Variants in SBF2 observed in about 807,000 individuals in gnomAD.
SBF2 encodes myotubularin-related protein 13.
A neutral mutation model predicts 225.2 loss-of-function variants in SBF2; 112 were observed. The ratio of observed to expected loss-of-function variants is 0.50; its 90% CI spans 0.43 to 0.58. The LOEUF is 0.58. Ranked by LOEUF, SBF2 falls within the 20% of genes least tolerant of loss-of-function variation. The probability of loss-of-function intolerance (pLI) is 0.00; values close to 1 mark genes in which losing one functional copy is unlikely to be tolerated. For synonymous variants in SBF2, 763 were observed against 773.3 expected (o/e 0.99, Z 0.22); for missense variants, 1,996 against 2,206.2 (o/e 0.90, Z 1.91).
chr11:9,927,192 AAAAT>A (rs1251799124), intron 16 of SBF2, among the ~76,000 whole-genome samples: 2 of 152,238 alleles, frequency 1.3e-5, no homozygotes, highest in African/African-American at 4.8e-5. Context: ...TACCTCTTAC[AAAAT>A]AAATAACCCA....
At chr11:9,799,238 C>T (rs764989859) in intron 32 of SBF2, among the ~76,000 whole-genome samples, 6 of 152,162 alleles carry the variant, frequency 3.9e-5, no homozygotes, top group Non-Finnish European at 7.4e-5. Context: ...AAAATGCTTT[C>T]GTAGCCCAGT....
intron 1 of SBF2, among the ~76,000 whole-genome samples, chr11:10,225,923 T>G (rs930181999): frequency 6.6e-6 from 1 of 152,112 alleles, no homozygotes; most frequent in Non-Finnish European, 1.5e-5. Context: ...TAGCAGTATG[T>G]TTTTCAAAGT....
chr11:10,172,707 C>T (rs140018747), intron 2 of SBF2, among the ~76,000 whole-genome samples: 8,147 of 151,550 alleles, frequency 0.054, 299 homozygotes, highest in Middle Eastern at 0.14. Context: ...CACTCTGTCG[C>T]CCAGGCTGGA....
At chr11:10,188,888 T>C (rs1957051817) in intron 2 of SBF2, among the ~76,000 whole-genome samples, 1 of 152,226 alleles carries the variant, frequency 6.6e-6, no homozygotes, top group African/African-American at 2.4e-5. Context: ...AAAATCCTTT[T>C]TATAGTTCTT....
chr11:10,040,627 A>G (rs1949616935), intron 3 of SBF2, among the ~76,000 whole-genome samples: 1 of 151,932 alleles, frequency 6.6e-6, no homozygotes, highest in Non-Finnish European at 1.5e-5. Flanking sequence ...TGGAATATGG[A>G]TAGTAGGTTT....
chr11:9,845,582 T>C lies in SBF2; in HGVS notation c.3093A>G (p.Glu1031=), dbSNP rs767041726. 6.2e-7 allele frequency: 1 copy of C among 1,613,870 alleles called. No individual in the cohort carries two copies. Among genetic ancestry groups the C allele is most frequent in the East Asian group, 2.2e-5 (1 of 44,864 alleles). ...TPQIILPKQK[E]KNTSFRTFSK... is the part of the protein sequence containing the mutation. ...CTTCTTACCGAAAAGAAGTGTTCTTTTCCTTCTGTTTTGGTAAAATTATTT... is the reference window on the plus strand; with the variant it reads ...CTTCTTACCGAAAAGAAGTGTTCTTCTCCTTCTGTTTTGGTAAAATTATTT... Residue 1031 remains glutamate, a synonymous_variant, in exon 24 of 40, where the codon GAA becomes GAG. Coordinates refer to ENST00000256190, the MANE Select transcript of SBF2 (RefSeq NM_030962.4).
Position 9,884,734 on chromosome 11 carries a change from G to A in SBF2, c.1929+11209C>T, listed in dbSNP as rs577237614. On this transcript the variant is annotated intron_variant, in intron 17 of 39. Coordinates refer to ENST00000256190, the MANE Select transcript of SBF2 (RefSeq NM_030962.4). Reference sequence around the variant, plus strand: ...CTCAAGTCTTATGGGAGGCACTGTAGTTTGTACCATTTCTGACTTTCTGCT... The same window carrying A: ...CTCAAGTCTTATGGGAGGCACTGTAATTTGTACCATTTCTGACTTTCTGCT... 1.1e-4 allele frequency among the ~76,000 whole-genome samples: 16 copies of A among 152,286 alleles called. No individual in the cohort carries two copies. The South Asian group carries it at 3.3e-3, about 32-fold the overall frequency.
intron 16 of SBF2, among the ~76,000 whole-genome samples, chr11:9,928,120 T>C (rs1281079017): frequency 6.6e-6 from 1 of 152,084 alleles, no homozygotes; most frequent in East Asian, 1.9e-4. Flanking sequence ...CTGGACTTTA[T>C]CAAAATAAAA....
chr11:9,999,633 T>C (rs373107598), intron 8 of SBF2, among the ~76,000 whole-genome samples: 6 of 152,304 alleles, frequency 3.9e-5, no homozygotes, highest in African/African-American at 1.2e-4. Flanking sequence ...CCAGTGACTG[T>C]TTATATTTAG....
chr11:10,018,001 C>G (rs1948713789), intron 6 of SBF2, among the ~76,000 whole-genome samples: 1 of 151,964 alleles, frequency 6.6e-6, no homozygotes, highest in Admixed American at 6.6e-5. Context: ...TGGTTTTTAT[C>G]TACTTTTAAT....
intron 1 of SBF2, among the ~76,000 whole-genome samples, chr11:10,258,071 T>TACACAC (rs1405915031): frequency 3.2e-4 from 31 of 96,266 alleles, no homozygotes; most frequent in African/African-American, 1.0e-3. Flanking sequence ...GAGGTATAAA[T>TACACAC]ACACACACAT....
At chr11:10,205,063 G>A (rs1163286842) in intron 1 of SBF2, among the ~76,000 whole-genome samples, 1 of 151,882 alleles carries the variant, frequency 6.6e-6, no homozygotes, top group Non-Finnish European at 1.5e-5. Context: ...AATGCTTGTG[G>A]GGTTTAATAT....
chr11:10,064,140 G>A (rs1489553411), intron 2 of SBF2, among the ~76,000 whole-genome samples: 1 of 151,986 alleles, frequency 6.6e-6, no homozygotes, highest in Non-Finnish European at 1.5e-5. Context: ...ACTGCAGCAT[G>A]GGGTTTATAG....
chr11:9,908,999 T>C (rs1466345574), intron 16 of SBF2, among the ~76,000 whole-genome samples: 1 of 152,014 alleles, frequency 6.6e-6, no homozygotes, highest in Non-Finnish European at 1.5e-5. Context: ...ATTCTTTACT[T>C]TGTATTAAAA....
At chr11:10,299,286 C>A (rs1430363119) in intron 1 of SBF2, among the ~76,000 whole-genome samples, 1 of 134,986 alleles carries the variant, frequency 7.4e-6, no homozygotes, top group Non-Finnish European at 1.5e-5. Flanking sequence ...TGCAGTGGGT[C>A]GAGATGGCAC....
At chr11:10,159,624 C>T (rs972079143) in intron 2 of SBF2, among the ~76,000 whole-genome samples, 1 of 152,090 alleles carries the variant, frequency 6.6e-6, no homozygotes. Context: ...CCCCCTTGGC[C>T]GGGCATGGTG....
chr11:10,225,908 T>C (rs1210892946), intron 1 of SBF2, among the ~76,000 whole-genome samples: 1 of 151,744 alleles, frequency 6.6e-6, no homozygotes, highest in Non-Finnish European at 1.5e-5. Context: ...TGTAAAGGAG[T>C]CGATTAGCAG....
intron 24 of SBF2, among the ~76,000 whole-genome samples, chr11:9,843,228 T>C (rs528202311): frequency 3.2e-4 from 48 of 152,350 alleles, no homozygotes; most frequent in Non-Finnish European, 6.0e-4. Context: ...TTTGAGATCA[T>C]ATGGCCTTCA....
rs1337952345 is a variant in SBF2, at chr11:9,858,962, A to G, written c.1930-566T>C. ...CTGTTGCCTGGCTCACATACTCTCTAGAAGACTGCCCTGGGCTTCAAGGGC... is the reference window on the plus strand; with the variant it reads ...CTGTTGCCTGGCTCACATACTCTCTGGAAGACTGCCCTGGGCTTCAAGGGC... On this transcript the variant is annotated intron_variant, in intron 17 of 39. Coordinates refer to ENST00000256190, the MANE Select transcript of SBF2 (RefSeq NM_030962.4). 1.3e-5 allele frequency among the ~76,000 whole-genome samples: 2 copies of G among 152,188 alleles called. 1 individual carries two copies. The highest frequency in any genetic ancestry group is 2.9e-5 in the Non-Finnish European group (2 of 68,034).
Sources: gnomAD v4.1 joint callset for allele counts (sites outside exome capture counted in the v4.1 genomes callset) on GRCh38, gnomAD v4.1.1 for gene constraint, MANE v1.5 for transcripts, NCBI Gene and HGNC (gene_info 2026-07-23, HGNC 2026-07-21) for gene names.